The following AMOT variants were observed in gnomAD, a reference collection of about 807,000 sequenced individuals.
AMOT encodes the protein angiomotin.
Under a neutral mutation model 67.0 loss-of-function variants are expected in AMOT, and 11 were observed. The ratio of observed to expected loss-of-function variants is 0.16; its 90% CI spans 0.10 to 0.27. The LOEUF (loss-of-function observed/expected upper bound fraction) is 0.27, where lower values mean the gene tolerates loss of function less well. Ranked by LOEUF, AMOT falls within the 10% of genes least tolerant of loss-of-function variation. AMOT has a pLI of 1.00. For synonymous variants in AMOT, 326 were observed against 321.4 expected (o/e 1.01, Z -0.15); for missense variants, 753 against 852.0 (o/e 0.88, Z 1.45).
chrX:112,833,488 G>T (rs115479579), intron 1 of AMOT, among the ~76,000 whole-genome samples: 1,446 of 101,329 alleles, frequency 0.014, 40 homozygotes, highest in African/African-American at 0.05. Context: ...AGGGGGGGGG[G>T]GGGTCATCAA....
At chrX:112,818,263 C>T (rs1380895237) in intron 4 of AMOT, among the ~76,000 whole-genome samples, 1 of 111,099 alleles carries the variant, frequency 9.0e-6, no homozygotes, top group East Asian at 2.8e-4. Flanking sequence ...CTCTCTCAAA[C>T]AAACTCAGCC....
At chrX:112,784,549 T>TG (rs1460638855) in intron 10 of AMOT, among the ~76,000 whole-genome samples, 1 of 111,995 alleles carries the variant, frequency 8.9e-6, no homozygotes, top group African/African-American at 3.3e-5. Context: ...ACTGTGTCAC[T>TG]GCATTCCATC....
At chrX:112,788,465 G>C (rs1217559698) in intron 10 of AMOT, among the ~76,000 whole-genome samples, 1 of 111,381 alleles carries the variant, frequency 9.0e-6, no homozygotes, top group Non-Finnish European at 1.9e-5. Context: ...AGAGCCCACA[G>C]GTTTTAAAAT....
At position 112,777,363 on chromosome X, in the gene AMOT, G is replaced by A. The variant is rs1932965815; in HGVS notation, c.*1204C>T. ...TGCACATTTCCTGCTGCTTCCCAAA[G>A]GTATTCCAAGATGGTGTCACTGACA... On this transcript the variant is annotated 3_prime_UTR_variant, in exon 14 of 14. Coordinates refer to ENST00000371959, the MANE Select transcript of AMOT (RefSeq NM_001113490.2). 9.0e-6 allele frequency: 1 copy of A among 111,625 alleles called. No homozygotes were observed. Among genetic ancestry groups the A allele is most frequent in the Admixed American group, 9.5e-5 (1 of 10,566 alleles). 9.2% of individuals were successfully genotyped at this position (111,625 alleles called of 1,213,427 possible).
At chrX:112,810,543 T>C (rs1036956436) in intron 6 of AMOT, among the ~76,000 whole-genome samples, 2 of 110,298 alleles carry the variant, frequency 1.8e-5, no homozygotes, top group Admixed American at 1.9e-4. Context: ...ACCCCATCTC[T>C]ACAAATACAA....
At chrX:112,786,204 GGTAGACATGCATTAT>G (rs1933358698) in intron 10 of AMOT, among the ~76,000 whole-genome samples, 1 of 111,937 alleles carries the variant, frequency 8.9e-6, no homozygotes, top group African/African-American at 3.2e-5. Flanking sequence ...AGAGGGAATA[GGTAGACATGCATTAT>G]GTGTGTGAAC....
intron 7 of AMOT, among the ~76,000 whole-genome samples, chrX:112,805,413 ACAC>A (rs1934150046): frequency 1.9e-5 from 2 of 103,247 alleles, no homozygotes; most frequent in Non-Finnish European, 3.9e-5. Flanking sequence ...ACACACACAC[ACAC>A]AGAGCCCTCA....
chrX:112,815,885 AC>A lies in AMOT; in HGVS notation c.873-9del. On this transcript the variant is annotated splice_polypyrimidine_tract_variant and intron_variant, in intron 4 of 13. Coordinates refer to ENST00000371959, the MANE Select transcript of AMOT (RefSeq NM_001113490.2). ...GAGATGTCCTGCGCTGGCCTGTAAA[AC>A]ATGAAGGGCAGGTGCGGGTTAATTT... 1 of 1,160,906 alleles carries A rather than the reference AC, an allele frequency of 8.6e-7. No homozygotes were observed. The highest frequency in any genetic ancestry group is 1.2e-6 in the Non-Finnish European group (1 of 869,180).
At chrX:112,818,933 G>A (rs982866325) in intron 4 of AMOT, among the ~76,000 whole-genome samples, 2 of 110,194 alleles carry the variant, frequency 1.8e-5, no homozygotes, top group South Asian at 4.0e-4. Context: ...TGCCACTTCC[G>A]TCCCCTCATC....
At chrX:112,782,333 G>T (rs912616471) in intron 11 of AMOT, among the ~76,000 whole-genome samples, 7 of 112,301 alleles carry the variant, frequency 6.2e-5, no homozygotes, top group African/African-American at 2.3e-4. Context: ...GAAGGCCAAA[G>T]GGACAGAAAC....
In AMOT at chrX:112,801,622, G is replaced by A. The variant is rs139484618; in HGVS notation, c.1776+3325C>T. 4.2e-3 allele frequency among the ~76,000 whole-genome samples: 469 copies of A among 112,297 alleles called. 2 individuals carry two copies. Among genetic ancestry groups the A allele is most frequent in the African/African-American group, 0.014 (445 of 30,901 alleles). ...GCCTGAGGCAACATTTCTATGTAGA[G>A]TTTAGAGCACAGTGATTGTAGAGAA... On this transcript the variant is annotated intron_variant, in intron 8 of 13. Transcript: ENST00000371959.
intron 1 of AMOT, among the ~76,000 whole-genome samples, chrX:112,836,895 G>GA (rs5903402): frequency 2.0e-5 from 2 of 101,662 alleles, no homozygotes; most frequent in African/African-American, 3.6e-5. Context: ...ATTTACAGTG[G>GA]AAAAAAAAAA....
chrX:112,837,361 C>G, intron 1 of AMOT, among the ~76,000 whole-genome samples: 1 of 112,061 alleles, frequency 8.9e-6, no homozygotes, highest in Non-Finnish European at 1.9e-5. Flanking sequence ...AATAAATATG[C>G]TTCCGAGAAG....
chrX:112,781,980 C>T (rs1164728042), intron 11 of AMOT, among the ~76,000 whole-genome samples: 1 of 111,578 alleles, frequency 9.0e-6, no homozygotes, highest in Non-Finnish European at 1.9e-5. Flanking sequence ...CCTCTGCCTC[C>T]CAAGCTCAAG....
At chrX:112,831,355 TATG>T (rs921414860) in intron 2 of AMOT, among the ~76,000 whole-genome samples, 2 of 110,117 alleles carry the variant, frequency 1.8e-5, no homozygotes, top group Non-Finnish European at 3.8e-5. Flanking sequence ...ATGAATTCTC[TATG>T]ATGACACTTA....
Position 112,776,484 on chromosome X carries a change from G to A in AMOT, c.*2083C>T, listed in dbSNP as rs1450253050. 9.0e-6 allele frequency: 1 copy of A among 111,717 alleles called. No homozygotes were observed. Among genetic ancestry groups the A allele is most frequent in the East Asian group, 2.8e-4 (1 of 3,580 alleles). 9.2% of individuals were successfully genotyped at this position (111,717 alleles called of 1,213,427 possible). A position where few individuals can be genotyped will look rare whatever the true frequency, so the allele number is the denominator to read the frequency against. Reference sequence around the variant, plus strand: ...TCACTTTATAACTGAGGACTAATGTGTATGTAACATGATTACCTCATTATT... The same window carrying A: ...TCACTTTATAACTGAGGACTAATGTATATGTAACATGATTACCTCATTATT... On this transcript the variant is annotated 3_prime_UTR_variant, in exon 14 of 14. Coordinates refer to ENST00000371959, the MANE Select transcript of AMOT (RefSeq NM_001113490.2).
intron 4 of AMOT, among the ~76,000 whole-genome samples, chrX:112,817,142 C>G (rs1053877176): frequency 1.8e-5 from 2 of 112,177 alleles, no homozygotes; most frequent in Non-Finnish European, 1.9e-5. Context: ...TGCATGGGAT[C>G]TGGATCCCAA....
intron 1 of AMOT, among the ~76,000 whole-genome samples, chrX:112,838,879 T>C (rs953783450): frequency 8.9e-6 from 1 of 112,312 alleles, no homozygotes; most frequent in East Asian, 2.8e-4. Context: ...AGAAAGTGTC[T>C]GTCAATGACG....
chrX:112,806,688 C>G (rs1386883573), intron 7 of AMOT, among the ~76,000 whole-genome samples: 1 of 111,702 alleles, frequency 9.0e-6, no homozygotes, highest in Non-Finnish European at 1.9e-5. Context: ...TAAGTTAATA[C>G]AGATTTATAA....
Sources: allele counts gnomAD v4.1 joint callset (sites outside exome capture counted in the v4.1 genomes callset), GRCh38; gene constraint gnomAD v4.1.1; transcripts MANE v1.5; gene names NCBI Gene and HGNC (gene_info 2026-07-23, HGNC 2026-07-21).